Variants in AKAP19 observed in about 807,000 individuals in gnomAD.
AKAP19 encodes A-kinase anchoring protein 19, also known as small A-kinase anchoring protein.
the AKAP19 span, among the ~76,000 whole-genome samples, chr2:190,127,794 C>A: frequency 6.6e-6 from 1 of 152,028 alleles, no homozygotes; most frequent in Non-Finnish European, 1.5e-5. Flanking sequence ...CCAACAGTCC[C>A]AGATGGCCTT....
At chr2:189,882,983 T>C in the AKAP19 span, among the ~76,000 whole-genome samples, 1 of 151,850 alleles carries the variant, frequency 6.6e-6, no homozygotes, top group Admixed American at 6.6e-5. Flanking sequence ...CTCTCAGAGG[T>C]TTTCTCTGCT....
the AKAP19 span, among the ~76,000 whole-genome samples, chr2:190,052,729 T>C: frequency 2.0e-5 from 3 of 152,212 alleles, no homozygotes; most frequent in Non-Finnish European, 4.4e-5. Flanking sequence ...TAATTTTGAA[T>C]GGTTAGGATA....
At chr2:189,902,954 GAAAA>G in the AKAP19 span, among the ~76,000 whole-genome samples, 1 of 148,828 alleles carries the variant, frequency 6.7e-6, no homozygotes, top group Non-Finnish European at 1.5e-5. Context: ...AACTACAGAG[GAAAA>G]AAAAACTGAC....
At chr2:190,055,785 T>C in the AKAP19 span, 4 of 152,176 alleles carry the variant, frequency 2.6e-5, no homozygotes, top group Non-Finnish European at 2.9e-5. Flanking sequence ...CATTTAGTCA[T>C]AGTACAATAA....
At chr2:190,064,173 C>T in the AKAP19 span, among the ~76,000 whole-genome samples, 3 of 152,056 alleles carry the variant, frequency 2.0e-5, no homozygotes, top group Admixed American at 6.6e-5. Flanking sequence ...GTATCTACAT[C>T]TCTTGAGAAA....
chr2:189,931,532 A>G, the AKAP19 span, among the ~76,000 whole-genome samples: 1 of 152,010 alleles, frequency 6.6e-6, no homozygotes, highest in South Asian at 2.1e-4. Flanking sequence ...TGGCTAATTA[A>G]AAATTTTTTT....
At chr2:190,098,100 A>G in the AKAP19 span, among the ~76,000 whole-genome samples, 163 of 152,132 alleles carry the variant, frequency 1.1e-3, 2 homozygotes, top group African/African-American at 3.9e-3. Flanking sequence ...TGAGAGTTTG[A>G]TCTCCTCCCA....
At chr2:190,179,582 G>A in the AKAP19 span, among the ~76,000 whole-genome samples, 1 of 152,092 alleles carries the variant, frequency 6.6e-6, no homozygotes. This position sits in a 1 kb window ranked among gnomAD's most constrained non-coding sequence, Gnocchi z 6.0. Flanking sequence ...TTTAAGCCTG[G>A]ATAAAAATAA....
the AKAP19 span, among the ~76,000 whole-genome samples, chr2:190,020,094 A>G: frequency 6.6e-6 from 1 of 152,114 alleles, no homozygotes; most frequent in East Asian, 1.9e-4. Context: ...GGTTTTGGAG[A>G]TCTCACTCTA....
chr2:190,199,653 T>C, the AKAP19 span: 1 of 1,291,904 alleles, frequency 7.7e-7, no homozygotes, highest in South Asian at 1.8e-5. Context: ...ATACACTATT[T>C]TGCATTCTGT....
At chr2:189,889,395 C>CT in the AKAP19 span, among the ~76,000 whole-genome samples, 4 of 151,888 alleles carry the variant, frequency 2.6e-5, no homozygotes, top group African/African-American at 9.7e-5. Flanking sequence ...CTGAAATTTT[C>CT]TTTTTTGTGT....
chr2:190,181,183 T>C, the AKAP19 span: 9 of 979,480 alleles, frequency 9.2e-6, no homozygotes, highest in Admixed American at 6.1e-5. Context: ...CAGCTGTGCC[T>C]TTTAGATTTT....
the AKAP19 span, among the ~76,000 whole-genome samples, chr2:189,885,223 G>A: frequency 6.6e-6 from 1 of 152,120 alleles, no homozygotes; most frequent in Non-Finnish European, 1.5e-5. Flanking sequence ...CAGACGTGAT[G>A]CCATACAACT....
the AKAP19 span, among the ~76,000 whole-genome samples, chr2:190,067,909 A>C: frequency 6.6e-6 from 1 of 152,164 alleles, no homozygotes; most frequent in Non-Finnish European, 1.5e-5. Context: ...TATTGAAAAA[A>C]AGATACTAGG....
the AKAP19 span, among the ~76,000 whole-genome samples, chr2:189,928,984 G>T: frequency 2.0e-5 from 3 of 152,080 alleles, no homozygotes. Context: ...TTACTACTAT[G>T]TCTTTACCTC....
chr2:190,075,288 A>G, the AKAP19 span, among the ~76,000 whole-genome samples: 1 of 152,186 alleles, frequency 6.6e-6, no homozygotes, highest in Non-Finnish European at 1.5e-5. Flanking sequence ...TTTATTAAAA[A>G]TGGTTTTATG....
chr2:190,105,581 C>G, the AKAP19 span, among the ~76,000 whole-genome samples: 6 of 152,182 alleles, frequency 3.9e-5, no homozygotes, highest in African/African-American at 1.4e-4. Context: ...TTTCCTCTGC[C>G]TTACAACCTT....
chr2:190,064,410 C>CT, the AKAP19 span, among the ~76,000 whole-genome samples: 2,232 of 132,610 alleles, frequency 0.017, 124 homozygotes, highest in East Asian at 0.18. Flanking sequence ...GTAAGTCAAA[C>CT]TTTTTTTTTA....
At chr2:189,926,680 AC>A in the AKAP19 span, among the ~76,000 whole-genome samples, 392 of 138,768 alleles carry the variant, frequency 2.8e-3, 2 homozygotes, top group African/African-American at 7.1e-3. Flanking sequence ...TCCCAGGTTC[AC>A]GCCATTCTCC....
Sources: allele counts gnomAD v4.1 joint callset (sites outside exome capture counted in the v4.1 genomes callset), GRCh38; gene constraint gnomAD v4.1.1; non-coding constraint Gnocchi (gnomAD v3.1); transcripts MANE v1.5; gene names NCBI Gene and HGNC (gene_info 2026-07-23, HGNC 2026-07-21).